Variants in ZNF804A observed in about 807,000 individuals in gnomAD.
ZNF804A encodes the protein zinc finger protein 804A.
Under a neutral mutation model 16.5 loss-of-function variants are expected in ZNF804A, and 2 were observed. The ratio of observed to expected loss-of-function variants is 0.12; its 90% CI spans 0.05 to 0.38. ZNF804A has a LOEUF of 0.38. Among genes scored for constraint, ZNF804A ranks in the 10% least tolerant of loss-of-function variants. The pLI is 0.99. For synonymous variants in ZNF804A, 534 were observed against 489.6 expected, an observed-to-expected ratio of 1.09 and a Z score of -1.20; for missense variants, 1,473 against 1,390.7, an observed-to-expected ratio of 1.06 and a Z score of -0.94.
chr2:184,691,335 T>C (rs951033764), intron 1 of ZNF804A, among the ~76,000 whole-genome samples: 2 of 151,988 alleles, frequency 1.3e-5, no homozygotes, highest in Admixed American at 1.3e-4. Context: ...AACTACCAAT[T>C]CTAGAATAAG....
chr2:184,842,921 G>A (rs1385049938), intron 1 of ZNF804A, among the ~76,000 whole-genome samples: 5 of 152,144 alleles, frequency 3.3e-5, no homozygotes, highest in African/African-American at 1.2e-4. Flanking sequence ...TAGAGGTGAG[G>A]TTGCTTTATG....
intron 1 of ZNF804A, among the ~76,000 whole-genome samples, chr2:184,719,001 C>T (rs1403230669): frequency 4.6e-5 from 7 of 152,204 alleles, no homozygotes; most frequent in African/African-American, 1.7e-4. Context: ...AGAGGTTCTC[C>T]ATGAGGGCCC....
intron 1 of ZNF804A, among the ~76,000 whole-genome samples, chr2:184,771,405 C>A (rs1166156710): frequency 4.6e-5 from 7 of 151,676 alleles, no homozygotes; most frequent in Non-Finnish European, 1.0e-4. Context: ...CTGGGAACTC[C>A]ACAACAGGGC....
At chr2:184,869,878 T>C (rs1695946409) in intron 2 of ZNF804A, among the ~76,000 whole-genome samples, 1 of 152,058 alleles carries the variant, frequency 6.6e-6, no homozygotes, top group Non-Finnish European at 1.5e-5. Context: ...CCACATTCTC[T>C]TTGCATAACT....
At chr2:184,724,596 A>C (rs1162331354) in intron 1 of ZNF804A, among the ~76,000 whole-genome samples, 3 of 151,708 alleles carry the variant, frequency 2.0e-5, no homozygotes, top group Non-Finnish European at 4.4e-5. Flanking sequence ...AATATTAGTC[A>C]CTGAATAATA....
intron 2 of ZNF804A, among the ~76,000 whole-genome samples, chr2:184,889,486 T>A (rs1159798490): frequency 6.6e-6 from 1 of 151,916 alleles, no homozygotes; most frequent in African/African-American, 2.4e-5. Flanking sequence ...TAATTACTAG[T>A]ATAAAAATAA....
At position 184,936,268 on chromosome 2, in the gene ZNF804A, T is replaced by C. The variant is rs138300291; in HGVS notation, c.872T>C (p.Val291Ala). The change falls in exon 4 of 4, where the codon GTT becomes GCT. Residue 291 changes from valine to alanine, a missense_variant. Val to Ala is a moderately conservative substitution (Grantham distance 64, BLOSUM62 0). Transcript: ENST00000302277. ...PEAMCRDKET[V>A]QTQEIKEVSS... ...GCAATGTGCAGAGACAAAGAAACTG[T>C]TCAAACTCAAGAGATAAAAGAAGTC... 21 of 1,613,862 alleles carry C rather than the reference T, an allele frequency of 1.3e-5. No homozygotes were observed. Among genetic ancestry groups the C allele is most frequent in the African/African-American group, 2.7e-5 (2 of 74,936 alleles).
At chr2:184,901,061 C>T in intron 2 of ZNF804A, among the ~76,000 whole-genome samples, 1 of 152,032 alleles carries the variant, frequency 6.6e-6, no homozygotes, top group East Asian at 1.9e-4. Context: ...GTATAGAATC[C>T]TTTAAAAATT....
intron 1 of ZNF804A, among the ~76,000 whole-genome samples, chr2:184,695,416 G>A (rs1209799289): frequency 1.4e-5 from 2 of 141,196 alleles, no homozygotes; most frequent in African/African-American, 5.5e-5. Context: ...AGCCGAGATT[G>A]CGCCACTGCA....
chr2:184,713,579 C>A (rs1039469319), intron 1 of ZNF804A, among the ~76,000 whole-genome samples: 1 of 151,890 alleles, frequency 6.6e-6, no homozygotes, highest in Non-Finnish European at 1.5e-5. Context: ...AGTCTTGAAA[C>A]AATAACTATG....
intron 1 of ZNF804A, among the ~76,000 whole-genome samples, chr2:184,828,268 T>C (rs566975939): frequency 7.2e-5 from 11 of 151,982 alleles, no homozygotes; most frequent in African/African-American, 2.4e-4. Flanking sequence ...TGATTTTCCA[T>C]CCAGTAGACT....
rs552724465 is a variant in ZNF804A at position 184,758,675 on chromosome 2, G to A, written c.112-107694G>A. On this transcript the variant is annotated intron_variant, in intron 1 of 3. Coordinates refer to ENST00000302277, the MANE Select transcript of ZNF804A (RefSeq NM_194250.2). Reference sequence around the variant, plus strand: ...TAAACTGATTTTGAACCTTTAAACAGTGGATTTTACAGTTATTAATATGCT... The same window carrying A: ...TAAACTGATTTTGAACCTTTAAACAATGGATTTTACAGTTATTAATATGCT... 1.5e-3 allele frequency among the ~76,000 whole-genome samples: 224 copies of A among 152,010 alleles called. 1 individual carries two copies. Among genetic ancestry groups the A allele is most frequent in the African/African-American group, 4.8e-3 (200 of 41,514 alleles).
rs199501336 is a variant in ZNF804A at position 184,598,970 on chromosome 2, A to G, written c.11A>G (p.Tyr4Cys). 35 of 1,612,624 alleles carry G rather than the reference A, an allele frequency of 2.2e-5. No individual in the cohort carries two copies. Among genetic ancestry groups the G allele is most frequent in the Non-Finnish European group, 3.0e-5 (35 of 1,178,836 alleles). Residue 4 changes from tyrosine to cysteine, a missense_variant, in exon 1 of 4, where the codon TAC becomes TGC. Coordinates refer to ENST00000302277, the MANE Select transcript of ZNF804A (RefSeq NM_194250.2). MEC[Y>C]YIVISSTHLS... Reference sequence around the variant, plus strand: ...GGCGGCGGCTGCCCCATGGAGTGTTACTACATTGTCATCAGCTCCACGCAT... The same window carrying G: ...GGCGGCGGCTGCCCCATGGAGTGTTGCTACATTGTCATCAGCTCCACGCAT...
At chr2:184,849,279 G>A (rs1695567313) in intron 1 of ZNF804A, among the ~76,000 whole-genome samples, 1 of 152,006 alleles carries the variant, frequency 6.6e-6, no homozygotes, top group Admixed American at 6.6e-5. Context: ...ATGAGTTATA[G>A]TAGCCCCTGG....
intron 2 of ZNF804A, among the ~76,000 whole-genome samples, chr2:184,928,388 C>T (rs6710537): frequency 0.018 from 2,667 of 152,152 alleles, 84 homozygotes; most frequent in African/African-American, 0.061. Flanking sequence ...CTTCTCTCTC[C>T]TCTCCTCCTC....
chr2:184,788,093 G>A (rs750751193), intron 1 of ZNF804A, among the ~76,000 whole-genome samples: 60 of 151,720 alleles, frequency 4.0e-4, no homozygotes, highest in Non-Finnish European at 3.8e-4. Context: ...TATTGAGTAC[G>A]GTGTCATTTT....
At position 184,937,145 on chromosome 2, in the gene ZNF804A, A is replaced by G. The variant is rs758427445; in HGVS notation, c.1749A>G (p.Lys583=). The part of the protein sequence containing the change: ...LDEKYNKIRL[K]ETHEYWFHKS... ...AAAAATACAACAAAATAAGGTTGAAAGAGACCCATGAATACTGGTTCCATA... is the reference window on the plus strand; with the variant it reads ...AAAAATACAACAAAATAAGGTTGAAGGAGACCCATGAATACTGGTTCCATA... The change falls in exon 4 of 4, where the codon AAA becomes AAG. Residue 583 remains lysine (K), a synonymous_variant. Transcript: ENST00000302277. 6.2e-7 allele frequency: 1 copy of G among 1,604,666 alleles called. No homozygotes were observed. The highest frequency in any genetic ancestry group is 1.7e-5 in the Admixed American group (1 of 57,262).
At chr2:184,728,108 T>C (rs901513047) in intron 1 of ZNF804A, among the ~76,000 whole-genome samples, 3 of 130,408 alleles carry the variant, frequency 2.3e-5, no homozygotes, top group Non-Finnish European at 4.7e-5. Context: ...AGTTTTCAAA[T>C]GAAAATCTAT....
chr2:184,630,384 G>T (rs1027251372), intron 1 of ZNF804A, among the ~76,000 whole-genome samples: 2 of 152,116 alleles, frequency 1.3e-5, no homozygotes, highest in African/African-American at 4.8e-5. Flanking sequence ...TTAACAGTGG[G>T]TAGGAAATCT....
Sources: allele counts gnomAD v4.1 joint callset (sites outside exome capture counted in the v4.1 genomes callset), GRCh38; gene constraint gnomAD v4.1.1; transcripts MANE v1.5; gene names NCBI Gene and HGNC (gene_info 2026-07-23, HGNC 2026-07-21).